SLIT1: variants seen among roughly 807,000 people sequenced by gnomAD.
SLIT1 encodes the protein slit guidance ligand 1, also known as slit homolog 1 protein.
In SLIT1, 66 loss-of-function variants were observed where a neutral mutation model predicts 186.1. The ratio of observed to expected loss-of-function variants is 0.35; its 90% CI spans 0.29 to 0.44. The LOEUF (loss-of-function observed/expected upper bound fraction) is 0.44, where lower values mean the gene tolerates loss of function less well. Among genes scored for constraint, SLIT1 ranks in the 20% least tolerant of loss-of-function variants. The probability of loss-of-function intolerance (pLI) is 1.00; values close to 1 mark genes in which losing one functional copy is unlikely to be tolerated. For synonymous variants in SLIT1, 761 were observed against 833.8 expected (o/e 0.91, Z 1.50); for missense variants, 1,638 against 2,037.4 (o/e 0.80, Z 3.77).
chr10:97,065,897 G>A, intron 5 of SLIT1, 118 bp downstream of exon 5: 2 of 732,942 alleles, frequency 2.7e-6, no homozygotes, highest in South Asian at 3.2e-5. Flanking sequence ...CCCTCTGAGA[G>A]CCCAGGTCAG....
At chr10:97,165,431 G>T (rs1850091411) in intron 1 of SLIT1, among the ~76,000 whole-genome samples, 1 of 152,056 alleles carries the variant, frequency 6.6e-6, no homozygotes, top group African/African-American at 2.4e-5. Flanking sequence ...CAGCAGAGAG[G>T]GCCGTACAAT....
intron 32 of SLIT1, among the ~76,000 whole-genome samples, chr10:97,005,307 G>A (rs1848350367): frequency 1.3e-5 from 2 of 152,184 alleles, no homozygotes; most frequent in South Asian, 2.1e-4. Context: ...AGTGTCTGTC[G>A]CTGGAACTGT....
intron 4 of SLIT1, among the ~76,000 whole-genome samples, chr10:97,089,409 G>A (rs954371707): frequency 6.6e-6 from 1 of 152,156 alleles, no homozygotes; most frequent in Non-Finnish European, 1.5e-5. Context: ...TGAAAAGAAC[G>A]CAGCGTGGGG....
In SLIT1 at chr10:97,159,751, G is replaced by A. The variant is rs571360014; in HGVS notation, c.342-1862C>T. ...TTAGGGGCATGAGCTCATCGCGGGCGGGAAAGCGGAGCGTAAAGGTGGGCC... is the reference window on the plus strand; with the variant it reads ...TTAGGGGCATGAGCTCATCGCGGGCAGGAAAGCGGAGCGTAAAGGTGGGCC... On this transcript the variant is annotated intron_variant, in intron 3 of 36. Transcript: ENST00000266058. Among the ~76,000 whole-genome samples the A allele has an allele frequency of 7.9e-5, 12 of 152,274 alleles. 1 individual carries two copies. The South Asian group carries it at 1.2e-3, about 16-fold the overall frequency.
chr10:97,101,089 C>A (rs1360689523), intron 4 of SLIT1, among the ~76,000 whole-genome samples: 1 of 152,156 alleles, frequency 6.6e-6, no homozygotes, highest in Non-Finnish European at 1.5e-5. Flanking sequence ...ACTGTGGAGG[C>A]CACCCAGCAC....
intron 13 of SLIT1, among the ~76,000 whole-genome samples, chr10:97,049,897 G>T (rs566348135): frequency 1.3e-5 from 2 of 152,246 alleles, no homozygotes; most frequent in Non-Finnish European, 2.9e-5. Context: ...ATGGGTTGCT[G>T]TGTGCGACCC....
At chr10:97,060,197 G>A (rs79258656) in intron 9 of SLIT1, 39 bp from the exon 10 acceptor site, 1 of 1,556,160 alleles carries the variant, frequency 6.4e-7, no homozygotes, top group African/African-American at 1.4e-5. Flanking sequence ...AAGGGCCCAG[G>A]TCAGCCCAGC....
chr10:97,182,250 G>A (rs1037471747), intron 1 of SLIT1, among the ~76,000 whole-genome samples: 1 of 152,160 alleles, frequency 6.6e-6, no homozygotes, highest in East Asian at 1.9e-4. Flanking sequence ...CCATTTCGGG[G>A]GACAGGCCTG....
chr10:97,068,578 T>C lies in SLIT1; in HGVS notation c.414-2492A>G, dbSNP rs1848973089. ...TAGGCCCCATCTCCTGGAGGGGAGA[T>C]GGTTCAAGCCTGCAGCACAGACACA... is the stretch of plus-strand genomic sequence containing the variant. On this transcript the variant is annotated intron_variant, in intron 4 of 36. Coordinates refer to ENST00000266058, the MANE Select transcript of SLIT1 (RefSeq NM_003061.3). This position sits in a 1 kb window ranked among gnomAD's most constrained non-coding sequence, Gnocchi z 4.2. Among the ~76,000 whole-genome samples, 1 of 152,054 alleles carries C rather than the reference T, an allele frequency of 6.6e-6. No homozygotes were observed. Among genetic ancestry groups the C allele is most frequent in the Non-Finnish European group, 1.5e-5 (1 of 67,990 alleles).
chr10:97,046,111 T>C (rs939187631), intron 18 of SLIT1, among the ~76,000 whole-genome samples: 2 of 152,172 alleles, frequency 1.3e-5, no homozygotes, highest in Admixed American at 6.5e-5. Context: ...CAGGATCATC[T>C]GAAGAGCCAG....
chr10:97,166,280 C>T (rs1263874466), intron 1 of SLIT1, among the ~76,000 whole-genome samples: 1 of 151,686 alleles, frequency 6.6e-6, no homozygotes, highest in South Asian at 2.1e-4. Flanking sequence ...TTTGGGAGGC[C>T]GAGGCGGGTG....
intron 4 of SLIT1, among the ~76,000 whole-genome samples, chr10:97,116,295 C>T (rs1373783692): frequency 6.6e-6 from 1 of 152,170 alleles, no homozygotes; most frequent in African/African-American, 2.4e-5. Context: ...TTCATCCCCA[C>T]CCCACTTCAC....
intron 13 of SLIT1, 126 bp from the exon 14 acceptor site, chr10:97,049,244 G>C: frequency 9.1e-7 from 1 of 1,099,312 alleles, no homozygotes; most frequent in South Asian, 1.6e-5. Context: ...CCTAGGGTCA[G>C]CCACGGGGGG....
chr10:97,031,794 G>A (rs1848593669), intron 23 of SLIT1, 117 bp from the exon 24 acceptor site: 1 of 776,912 alleles, frequency 1.3e-6, no homozygotes, highest in Non-Finnish European at 2.1e-6. Flanking sequence ...GGCTCTGTGA[G>A]GGGAGGCAGA....
In SLIT1 at chr10:97,185,758, C is replaced by G; in HGVS notation, c.-84G>C. The G allele has an allele frequency of 8.1e-7, 1 of 1,235,984 alleles. No homozygotes were observed. Among genetic ancestry groups the G allele is most frequent in the East Asian group, 3.1e-5 (1 of 32,786 alleles). The allele number at this position is 1,235,984 out of a possible 1,614,324, so 76.6% of individuals were successfully genotyped here. ...TCCGGGGCCGCCTCCAGGTGCAGTC[C>G]CGGGGCAGAGCCACCGAAGAGCCCG... On this transcript the variant is annotated 5_prime_UTR_variant, in exon 1 of 37. Transcript: ENST00000266058.
chr10:97,118,935 T>C (rs1444598357), intron 4 of SLIT1, among the ~76,000 whole-genome samples: 2 of 152,170 alleles, frequency 1.3e-5, no homozygotes, highest in African/African-American at 4.8e-5. Flanking sequence ...ATGCACAACA[T>C]ATGGCTTGGA....
At chr10:97,012,702 C>G (rs937350023) in intron 30 of SLIT1, among the ~76,000 whole-genome samples, 3 of 152,248 alleles carry the variant, frequency 2.0e-5, no homozygotes, top group Admixed American at 6.5e-5. Context: ...TGGATGGAGG[C>G]TCTTGTGGGC....
At chr10:97,064,999 A>G (rs961618454) in intron 5 of SLIT1, 123 bp from the exon 6 acceptor site, 4 of 572,850 alleles carry the variant, frequency 7.0e-6, no homozygotes, top group African/African-American at 5.8e-5. Context: ...TGTTATGTGT[A>G]TATGTGTCAA....
At chr10:97,082,363 G>A (rs1195236641) in intron 4 of SLIT1, among the ~76,000 whole-genome samples, 1 of 152,184 alleles carries the variant, frequency 6.6e-6, no homozygotes, top group Non-Finnish European at 1.5e-5. Context: ...TTTACTATGT[G>A]CCTGGCACTG....
Sources: gnomAD v4.1 joint callset for allele counts (sites outside exome capture counted in the v4.1 genomes callset) on GRCh38, gnomAD v4.1.1 for gene constraint, Gnocchi (gnomAD v3.1) non-coding constraint, MANE v1.5 for transcripts, NCBI Gene and HGNC (gene_info 2026-07-23, HGNC 2026-07-21) for gene names.